PPP1R14C: variants seen among roughly 807,000 people sequenced by gnomAD.
PPP1R14C encodes protein phosphatase 1 regulatory inhibitor subunit 14C.
A neutral mutation model predicts 20.4 loss-of-function variants in PPP1R14C; 16 were observed. The ratio of observed to expected loss-of-function variants is 0.78; its 90% confidence interval spans 0.53 to 1.19. The LOEUF is 1.19. Among genes scored for constraint, PPP1R14C ranks in the 50% most tolerant of loss-of-function variants. The pLI is 0.00. For missense variants in PPP1R14C, 211 were observed against 220.1 expected, an observed-to-expected ratio of 0.96 and a Z score of 0.26; for synonymous variants, 91 against 91.0, an observed-to-expected ratio of 1.00 and a Z score of 0.00.
At chr6:150,247,970 C>A (rs1778513780) in intron 3 of PPP1R14C, among the ~76,000 whole-genome samples, 1 of 152,176 alleles carries the variant, frequency 6.6e-6, no homozygotes, top group African/African-American at 2.4e-5. Flanking sequence ...GCTCACAGTT[C>A]TGGAGGCTGG....
At chr6:150,215,607 A>G (rs1199794187) in intron 2 of PPP1R14C, among the ~76,000 whole-genome samples, 1 of 152,230 alleles carries the variant, frequency 6.6e-6, no homozygotes. Flanking sequence ...GCATCCCTTG[A>G]GTGGTGAACA....
At chr6:150,231,429 C>A (rs1778294688) in intron 3 of PPP1R14C, among the ~76,000 whole-genome samples, 1 of 152,216 alleles carries the variant, frequency 6.6e-6, no homozygotes, top group Non-Finnish European at 1.5e-5. Flanking sequence ...CTCGAAGGGG[C>A]ATGTCTGGAG....
chr6:150,143,597 C>CCGGGAGTCAGGGACA lies in PPP1R14C; in HGVS notation c.306+99_306+100insCGGGAGTCAGGGACA. On this transcript the variant is annotated intron_variant, in intron 1 of 3. Transcript: ENST00000361131. The surrounding 1 kb of genome is among the most constrained non-coding windows in gnomAD (Gnocchi z 5.6). The stretch of plus-strand genomic sequence containing the variant: ...CTCCAGCTCCGGGGCGCGCATGTCC[C>CCGGGAGTCAGGGACA]TGACTCCCGGGGACCAAGTGCCAGG... The CCGGGAGTCAGGGACA allele has an allele frequency of 1.1e-6, 1 of 884,212 alleles. No homozygotes were observed. Among genetic ancestry groups the CCGGGAGTCAGGGACA allele is most frequent in the Non-Finnish European group, 1.7e-6 (1 of 588,524 alleles). 54.8% of individuals were successfully genotyped at this position (884,212 alleles called of 1,614,324 possible). A position where few individuals can be genotyped will look rare whatever the true frequency, so the allele number is the denominator to read the frequency against.
chr6:150,195,349 A>ATT (rs774067145), intron 1 of PPP1R14C: 10 of 186,074 alleles, frequency 5.4e-5, no homozygotes, highest in Non-Finnish European at 9.1e-5. Flanking sequence ...ACACATCTGG[A>ATT]TTGACATGTT....
At chr6:150,240,246 G>C (rs139888434) in intron 3 of PPP1R14C, among the ~76,000 whole-genome samples, 1,971 of 152,286 alleles carry the variant, frequency 0.013, 55 homozygotes, top group African/African-American at 0.045. Flanking sequence ...TTATGCACAA[G>C]CTTGTGCCAG....
At chr6:150,172,216 C>A (rs1362990136) in intron 1 of PPP1R14C, among the ~76,000 whole-genome samples, 2 of 152,140 alleles carry the variant, frequency 1.3e-5, no homozygotes, top group African/African-American at 4.8e-5. Flanking sequence ...CATCATTAGA[C>A]GGGTTATAGA....
At chr6:150,195,134 A>G in intron 1 of PPP1R14C, 1 of 984,540 alleles carries the variant, frequency 1.0e-6, no homozygotes, top group Non-Finnish European at 1.2e-6. Context: ...CTTATTCTTA[A>G]CTTGAACATT....
chr6:150,168,488 G>T (rs1049261475), intron 1 of PPP1R14C, among the ~76,000 whole-genome samples: 2 of 151,874 alleles, frequency 1.3e-5, no homozygotes, highest in African/African-American at 2.4e-5. Flanking sequence ...AGCCGAGATA[G>T]CGCCACTACA....
chr6:150,198,950 T>C (rs926800758), intron 1 of PPP1R14C, among the ~76,000 whole-genome samples: 1 of 151,590 alleles, frequency 6.6e-6, no homozygotes, highest in African/African-American at 2.4e-5. Context: ...GATTGTTTTC[T>C]CCAAAAGATG....
chr6:150,181,792 G>A (rs1777624542), intron 1 of PPP1R14C, among the ~76,000 whole-genome samples: 1 of 152,162 alleles, frequency 6.6e-6, no homozygotes, highest in Admixed American at 6.5e-5. Flanking sequence ...TTGTGTATAT[G>A]TGTTAAGATC....
intron 1 of PPP1R14C, among the ~76,000 whole-genome samples, chr6:150,198,611 G>T (rs759800628): frequency 6.6e-6 from 1 of 152,248 alleles, no homozygotes; most frequent in Non-Finnish European, 1.5e-5. Flanking sequence ...GTGCCAGCAG[G>T]TGCTGAGAAA....
rs144521282 is a variant in PPP1R14C, at chr6:150,160,715, G to C, written c.306+17217G>C. On this transcript the variant is annotated intron_variant, in intron 1 of 3. Transcript: ENST00000361131. ...CTTTATTTATGTCAGTATGGTTCAC[G>C]TATATTTATTGTTTGTCTTGGATTA... 6.5e-3 allele frequency among the ~76,000 whole-genome samples: 985 copies of C among 152,012 alleles called. 9 individuals carry two copies. The highest frequency in any genetic ancestry group is 0.022 in the African/African-American group (906 of 41,468).
At chr6:150,195,102 T>G in intron 1 of PPP1R14C, 14 of 984,106 alleles carry the variant, frequency 1.4e-5, no homozygotes, top group Non-Finnish European at 1.1e-5. Context: ...AGGAGGTTAC[T>G]CATGCAATTA....
intron 3 of PPP1R14C, among the ~76,000 whole-genome samples, chr6:150,248,292 A>G: frequency 6.6e-6 from 1 of 152,164 alleles, no homozygotes; most frequent in East Asian, 1.9e-4. Flanking sequence ...CTCAAATTTG[A>G]GGCACACTAG....
intron 3 of PPP1R14C, among the ~76,000 whole-genome samples, chr6:150,244,127 G>T (rs561248054): frequency 6.6e-6 from 1 of 150,566 alleles, no homozygotes; most frequent in Non-Finnish European, 1.5e-5. Flanking sequence ...CCTTAAATAC[G>T]TTCAGCTTAT....
chr6:150,216,266 CG>C (rs1440671374), intron 2 of PPP1R14C, among the ~76,000 whole-genome samples: 3 of 152,260 alleles, frequency 2.0e-5, no homozygotes, highest in African/African-American at 7.2e-5. Flanking sequence ...GAGGCCAAGG[CG>C]GGTGGATCAC....
At chr6:150,206,863 T>G (rs1405336225) in intron 1 of PPP1R14C, among the ~76,000 whole-genome samples, 1 of 147,752 alleles carries the variant, frequency 6.8e-6, no homozygotes, top group Non-Finnish European at 1.5e-5. Flanking sequence ...TTTGTTTGTT[T>G]CTGTTTTTGT....
At chr6:150,203,565 A>G (rs1777904538) in intron 1 of PPP1R14C, among the ~76,000 whole-genome samples, 1 of 152,128 alleles carries the variant, frequency 6.6e-6, no homozygotes, top group Non-Finnish European at 1.5e-5. Context: ...TTGCTGATCT[A>G]GGAGCCTTCC....
intron 3 of PPP1R14C, among the ~76,000 whole-genome samples, chr6:150,225,920 T>C (rs913622399): frequency 6.6e-6 from 1 of 152,248 alleles, no homozygotes; most frequent in Non-Finnish European, 1.5e-5. Context: ...AATGATATTC[T>C]TGGATTATTA....
Sources: gnomAD v4.1 joint callset for allele counts (sites outside exome capture counted in the v4.1 genomes callset) on GRCh38, gnomAD v4.1.1 for gene constraint, Gnocchi (gnomAD v3.1) non-coding constraint, MANE v1.5 for transcripts, NCBI Gene and HGNC (gene_info 2026-07-23, HGNC 2026-07-21) for gene names.